The following EIF4G3 variants were observed in gnomAD, a reference collection of about 807,000 sequenced individuals.
EIF4G3 encodes eukaryotic translation initiation factor 4 gamma 3, also known as eIF-4-gamma 3.
In EIF4G3, 34 loss-of-function variants were observed where a neutral mutation model predicts 186.4. The observed-to-expected ratio is 0.18, with a 90% CI of 0.14 to 0.24. The LOEUF (loss-of-function observed/expected upper bound fraction) is 0.24. Among genes scored for constraint, EIF4G3 ranks in the 10% least tolerant of loss-of-function variants. EIF4G3 has a pLI of 1.00. For missense variants in EIF4G3, 1,536 were observed against 1,948.5 expected (o/e 0.79, Z 3.99); for synonymous variants, 673 against 679.5 (o/e 0.99, Z 0.15).
chr1:20,848,510 C>A (rs533241950), intron 29 of EIF4G3, among the ~76,000 whole-genome samples: 1 of 152,170 alleles, frequency 6.6e-6, no homozygotes, highest in South Asian at 2.1e-4. Flanking sequence ...TTTGTCTCTG[C>A]CACTAGACTA....
chr1:20,926,686 A>AAC (rs2094921505), intron 14 of EIF4G3, among the ~76,000 whole-genome samples: 1 of 151,794 alleles, frequency 6.6e-6, no homozygotes. Context: ...AAAAGAAAAA[A>AAC]AAAAAAAAAC....
intron 2 of EIF4G3, among the ~76,000 whole-genome samples, chr1:21,163,896 C>T (rs531735038): frequency 2.8e-4 from 42 of 152,160 alleles, no homozygotes; most frequent in African/African-American, 9.2e-4. Context: ...CTCAGCCTCC[C>T]AAGTAGCTGG....
intron 2 of EIF4G3, among the ~76,000 whole-genome samples, chr1:21,170,036 G>T (rs752490181): frequency 1.3e-5 from 2 of 152,064 alleles, no homozygotes; most frequent in South Asian, 4.1e-4. Context: ...TTAGCCAGGC[G>T]TGGTGGTGCA....
intron 16 of EIF4G3, among the ~76,000 whole-genome samples, chr1:20,899,059 C>T (rs781410206): frequency 4.6e-5 from 7 of 152,178 alleles, no homozygotes; most frequent in South Asian, 4.1e-4. Context: ...ACCATCTTTC[C>T]TTACAGATCC....
chr1:20,879,239 A>C, intron 20 of EIF4G3, 84 bp downstream of exon 20: 1 of 1,074,306 alleles, frequency 9.3e-7, no homozygotes. Flanking sequence ...ATGTTGCCCC[A>C]ATAACACTTC....
chr1:21,090,168 G>A (rs1169875551), intron 2 of EIF4G3, among the ~76,000 whole-genome samples: 3 of 152,152 alleles, frequency 2.0e-5, no homozygotes, highest in Non-Finnish European at 4.4e-5. Flanking sequence ...CTATTAGTAA[G>A]ATTACATAGA....
intron 4 of EIF4G3, among the ~76,000 whole-genome samples, chr1:21,010,802 C>A (rs1456694154): frequency 1.3e-5 from 2 of 152,156 alleles, no homozygotes; most frequent in Non-Finnish European, 1.5e-5. Context: ...ACAAACAAGA[C>A]CACAATATAA....
At chr1:20,980,505 CATA>C (rs1188190533) in intron 9 of EIF4G3, 57 bp from the exon 10 acceptor site, 1 of 1,179,374 alleles carries the variant, frequency 8.5e-7, no homozygotes, top group African/African-American at 1.6e-5. Context: ...GGGCGAAAAA[CATA>C]ATAAAATAAT....
chr1:20,852,095 G>A (rs574439207), intron 27 of EIF4G3, among the ~76,000 whole-genome samples: 3 of 152,246 alleles, frequency 2.0e-5, no homozygotes, highest in South Asian at 4.2e-4. Context: ...TGCCCAGGCT[G>A]GAGTGCAATG....
intron 2 of EIF4G3, among the ~76,000 whole-genome samples, chr1:21,107,462 G>A (rs1339456470): frequency 6.6e-6 from 1 of 152,044 alleles, no homozygotes. Context: ...ATGAGCTACC[G>A]GGCCCAACCT....
In EIF4G3 at chr1:20,873,584, T is replaced by C. The variant is rs188128991; in HGVS notation, c.2622+5739A>G. Among the ~76,000 whole-genome samples, 239 of 147,698 alleles carry C rather than the reference T, an allele frequency of 1.6e-3. 1 individual carries two copies. The highest frequency in any genetic ancestry group is 5.7e-3 in the African/African-American group (231 of 40,288). ...GCCCAATTGCCCTCATAAATGGTTATATTCGTCTTTAAAAACATTTAAAAT... is the reference window on the plus strand; with the variant it reads ...GCCCAATTGCCCTCATAAATGGTTACATTCGTCTTTAAAAACATTTAAAAT... On this transcript the variant is annotated intron_variant, in intron 20 of 36. Transcript: ENST00000602326.
chr1:21,078,706 T>C (rs1356848629), intron 3 of EIF4G3, among the ~76,000 whole-genome samples: 1 of 152,332 alleles, frequency 6.6e-6, no homozygotes, highest in Middle Eastern at 3.4e-3. Flanking sequence ...CACACGTGGC[T>C]GGGCATGGTG....
At chr1:20,995,903 G>T (rs527320634) in intron 7 of EIF4G3, among the ~76,000 whole-genome samples, 1 of 152,238 alleles carries the variant, frequency 6.6e-6, no homozygotes, top group South Asian at 2.1e-4. Flanking sequence ...ATCAGAAAAC[G>T]TTTTTGCCCT....
intron 2 of EIF4G3, among the ~76,000 whole-genome samples, chr1:21,153,558 T>TTTTGTTTG (rs749732838): frequency 6.6e-6 from 1 of 152,090 alleles, no homozygotes; most frequent in African/African-American, 2.4e-5. Context: ...TGCAGCTTTT[T>TTTTGTTTG]TTTGTTTGTT....
intron 4 of EIF4G3, chr1:21,004,026 T>C (rs1163944662): frequency 3.1e-5 from 5 of 161,736 alleles, no homozygotes. Context: ...CATCTAGTTC[T>C]GAAATGGATA....
intron 14 of EIF4G3, among the ~76,000 whole-genome samples, chr1:20,939,861 T>G (rs1268187848): frequency 1.4e-5 from 2 of 144,792 alleles, no homozygotes; most frequent in Admixed American, 6.9e-5. Context: ...TTTTTTTTTT[T>G]TTTTTTTTTT....
Position 21,058,719 on chromosome 1 carries a change from C to CTTTTTTT in EIF4G3, c.-195-7732_-195-7726dup, listed in dbSNP as rs66576703. Among the ~76,000 whole-genome samples, 12 of 82,032 alleles carry CTTTTTTT rather than the reference C, an allele frequency of 1.5e-4. 1 individual carries two copies. Among genetic ancestry groups the CTTTTTTT allele is most frequent in the East Asian group, 4.6e-4 (1 of 2,196 alleles). 53.8% of individuals were successfully genotyped at this position (82,032 alleles called of 152,430 possible). ...TTTTCTTCTTCTTCTCTCTCTCTCT[C>CTTTTTTT]TTTTTTTTTTTTTTTTTTTTTTTTT... On this transcript the variant is annotated intron_variant, in intron 3 of 36. Coordinates refer to ENST00000602326, the MANE Select transcript of EIF4G3 (RefSeq NM_001391906.1).
At chr1:20,989,381 C>A (rs1261122797) in intron 7 of EIF4G3, among the ~76,000 whole-genome samples, 2 of 150,700 alleles carry the variant, frequency 1.3e-5, no homozygotes, top group Non-Finnish European at 3.0e-5. Context: ...CATGGTGAAA[C>A]CCTATCTCTA....
chr1:21,021,348 T>C (rs1004554849), intron 4 of EIF4G3, among the ~76,000 whole-genome samples: 1 of 152,186 alleles, frequency 6.6e-6, no homozygotes. Flanking sequence ...AAAGTTTACA[T>C]GCTACAAATG....
Sources: allele counts gnomAD v4.1 joint callset (sites outside exome capture counted in the v4.1 genomes callset), GRCh38; gene constraint gnomAD v4.1.1; transcripts MANE v1.5; gene names NCBI Gene and HGNC (gene_info 2026-07-23, HGNC 2026-07-21).